HIPK2: variants seen among roughly 807,000 people sequenced by gnomAD.
HIPK2 encodes the protein homeodomain-interacting protein kinase 2.
Under a neutral mutation model 113.7 loss-of-function variants are expected in HIPK2, and 27 were observed. The observed-to-expected ratio is 0.24, with a 90% CI of 0.17 to 0.33. HIPK2 has a LOEUF of 0.33. HIPK2 is among the 10% of genes least tolerant of loss of function. HIPK2 has a pLI of 1.00. For synonymous variants in HIPK2, 631 were observed against 642.2 expected, an observed-to-expected ratio of 0.98 and a Z score of 0.26; for missense variants, 1,257 against 1,588.0, an observed-to-expected ratio of 0.79 and a Z score of 3.54.
In HIPK2 at chr7:139,562,870, T is replaced by A. The variant is rs953547103; in HGVS notation, c.*10057A>T. On this transcript the variant is annotated 3_prime_UTR_variant, in exon 15 of 15. Coordinates refer to ENST00000406875, the MANE Select transcript of HIPK2 (RefSeq NM_022740.5). ...TGATATATATACACAAACATATATATCAACATCTATCTCTATACAGTGATT... is the reference window on the plus strand; with the variant it reads ...TGATATATATACACAAACATATATAACAACATCTATCTCTATACAGTGATT... 1 of 152,250 alleles carries A rather than the reference T, an allele frequency of 6.6e-6. No individual in the cohort carries two copies. Among genetic ancestry groups the A allele is most frequent in the Admixed American group, 6.5e-5 (1 of 15,288 alleles). The allele number at this position is 152,250 out of a possible 1,614,324, so 9.4% of individuals were successfully genotyped here.
In HIPK2 at chr7:139,758,452, C is replaced by CTCTAAA. The variant is rs201865309; in HGVS notation, c.19+19147_19+19152dup. ...AGTTGCATCCAAGCCTCAGAACATA[C>CTCTAAA]TCTAAAACAGGGGTCCCCAACCACT... is the stretch of plus-strand genomic sequence containing the variant. On this transcript the variant is annotated intron_variant, in intron 1 of 14. Coordinates refer to ENST00000406875, the MANE Select transcript of HIPK2 (RefSeq NM_022740.5). Among the ~76,000 whole-genome samples, 1,449 of 152,214 alleles carry CTCTAAA rather than the reference C, an allele frequency of 9.5e-3. 26 individuals are homozygous for CTCTAAA. The highest frequency in any genetic ancestry group is 0.033 in the African/African-American group (1,370 of 41,502).
chr7:139,764,021 A>C (rs1796513512), intron 1 of HIPK2, among the ~76,000 whole-genome samples: 1 of 152,252 alleles, frequency 6.6e-6, no homozygotes, highest in South Asian at 2.1e-4. Context: ...TCCTAAGCAC[A>C]AGAAGACTGT....
intron 2 of HIPK2, among the ~76,000 whole-genome samples, chr7:139,654,770 A>T (rs563244958): frequency 6.6e-6 from 1 of 152,292 alleles, no homozygotes; most frequent in South Asian, 2.1e-4. Flanking sequence ...AGTGCTTAAG[A>T]AGAGGCCTGT....
chr7:139,586,189 A>G (rs1288574767), intron 12 of HIPK2, among the ~76,000 whole-genome samples: 1 of 152,246 alleles, frequency 6.6e-6, no homozygotes, highest in Non-Finnish European at 1.5e-5. Context: ...CTTAAAGTAG[A>G]TAAATTTTAA....
intron 2 of HIPK2, among the ~76,000 whole-genome samples, chr7:139,674,051 G>C (rs1374348118): frequency 6.6e-6 from 1 of 150,784 alleles, no homozygotes; most frequent in African/African-American, 2.4e-5. Flanking sequence ...GGATGACAGA[G>C]TGAGACTGTC....
chr7:139,770,872 G>T (rs571472902), intron 1 of HIPK2, among the ~76,000 whole-genome samples: 133 of 152,332 alleles, frequency 8.7e-4, no homozygotes, highest in African/African-American at 3.1e-3. Flanking sequence ...GTTCAATGCT[G>T]TATTCAGAAA....
intron 1 of HIPK2, among the ~76,000 whole-genome samples, chr7:139,761,309 G>T (rs954289640): frequency 1.3e-5 from 2 of 152,198 alleles, no homozygotes; most frequent in Non-Finnish European, 2.9e-5. Context: ...TTAAGTAAAC[G>T]ATTTGTATGC....
chr7:139,577,505 G>C (rs1798532220), intron 13 of HIPK2, among the ~76,000 whole-genome samples: 1 of 152,134 alleles, frequency 6.6e-6, no homozygotes, highest in Non-Finnish European at 1.5e-5. Flanking sequence ...AAGTGTGGGA[G>C]GCAGAAAATT....
intron 12 of HIPK2, among the ~76,000 whole-genome samples, chr7:139,592,515 C>T (rs1799062151): frequency 1.3e-5 from 2 of 152,204 alleles, no homozygotes; most frequent in South Asian, 4.1e-4. Context: ...GGCAGGAGAA[C>T]TGCTTGAGCC....
chr7:139,577,059 T>C (rs1798515572), intron 13 of HIPK2, among the ~76,000 whole-genome samples: 1 of 151,334 alleles, frequency 6.6e-6, no homozygotes, highest in Admixed American at 6.6e-5. Context: ...GCACCAGTCA[T>C]AGCCATTCAT....
intron 13 of HIPK2, among the ~76,000 whole-genome samples, chr7:139,576,906 C>A (rs766988201): frequency 5.9e-5 from 9 of 152,170 alleles, no homozygotes; most frequent in Non-Finnish European, 1.3e-4. Flanking sequence ...ACAGGACCAT[C>A]ACCCCTTGAT....
At chr7:139,687,096 T>TATTC (rs767180994) in intron 2 of HIPK2, among the ~76,000 whole-genome samples, 27 of 152,252 alleles carry the variant, frequency 1.8e-4, no homozygotes, top group Non-Finnish European at 3.1e-4. Flanking sequence ...TGAAGTATTT[T>TATTC]ATTCATTCAT....
At chr7:139,747,120 G>C (rs1796203319) in intron 1 of HIPK2, among the ~76,000 whole-genome samples, 1 of 152,136 alleles carries the variant, frequency 6.6e-6, no homozygotes, top group Admixed American at 6.5e-5. Flanking sequence ...ATACTGCCCA[G>C]TTGGGGTTCC....
intron 2 of HIPK2, among the ~76,000 whole-genome samples, chr7:139,639,329 G>A (rs1800924466): frequency 6.6e-6 from 1 of 152,130 alleles, no homozygotes; most frequent in Non-Finnish European, 1.5e-5. Flanking sequence ...TAATCTTCAG[G>A]GAAGCTCATT....
At chr7:139,745,494 G>A (rs1262861570) in intron 1 of HIPK2, among the ~76,000 whole-genome samples, 2 of 152,168 alleles carry the variant, frequency 1.3e-5, no homozygotes, top group African/African-American at 2.4e-5. Flanking sequence ...CACTGCAACC[G>A]CAGGGCCTCG....
chr7:139,729,724 C>T (rs1166359186), intron 1 of HIPK2, among the ~76,000 whole-genome samples: 14 of 152,222 alleles, frequency 9.2e-5, no homozygotes, highest in Non-Finnish European at 2.1e-4. Context: ...ATCAGCTGTA[C>T]TTCTGGTTTC....
At chr7:139,750,113 A>C (rs943104779) in intron 1 of HIPK2, among the ~76,000 whole-genome samples, 2 of 151,878 alleles carry the variant, frequency 1.3e-5, no homozygotes, top group Admixed American at 6.6e-5. Flanking sequence ...TGACCTCCAT[A>C]CTCTTTTAAA....
intron 2 of HIPK2, among the ~76,000 whole-genome samples, chr7:139,632,727 T>C (rs1800660107): frequency 6.6e-6 from 1 of 152,164 alleles, no homozygotes; most frequent in Non-Finnish European, 1.5e-5. Context: ...GGGTATGTTT[T>C]GGACAAAACC....
intron 2 of HIPK2, among the ~76,000 whole-genome samples, chr7:139,649,929 G>T (rs759216533): frequency 6.6e-6 from 1 of 152,040 alleles, no homozygotes; most frequent in Non-Finnish European, 1.5e-5. Flanking sequence ...GAAAAGCAAG[G>T]GTTCTTCTGT....
Sources: gnomAD v4.1 joint callset for allele counts (sites outside exome capture counted in the v4.1 genomes callset) on GRCh38, gnomAD v4.1.1 for gene constraint, MANE v1.5 for transcripts, NCBI Gene and HGNC (gene_info 2026-07-23, HGNC 2026-07-21) for gene names.